The following DNAH9 variants were observed in gnomAD, a reference collection of about 807,000 sequenced individuals.
DNAH9 encodes dynein axonemal heavy chain 9.
Under a neutral mutation model 471.6 loss-of-function variants are expected in DNAH9, and 345 were observed. The observed-to-expected ratio is 0.73, with a 90% CI of 0.67 to 0.80. The LOEUF is 0.80. Ranked by LOEUF, DNAH9 falls within the 30% of genes least tolerant of loss-of-function variation. The pLI is 0.00. For missense variants in DNAH9, 5,407 were observed against 5,609.2 expected (o/e 0.96, Z 1.15); for synonymous variants, 2,093 against 2,123.6 (o/e 0.99, Z 0.40).
chr17:11,798,956 C>T lies in DNAH9; in HGVS notation c.8420+1163C>T, dbSNP rs137924086. ...GAACACAAGTCACCTGCCTTTCCTA[C>T]TCATTCTTCCTCCTTGTCACTGTTA... is the stretch of plus-strand genomic sequence containing the variant. On this transcript the variant is annotated intron_variant, in intron 43 of 68. Coordinates refer to ENST00000262442, the MANE Select transcript of DNAH9 (RefSeq NM_001372.4). Among the ~76,000 whole-genome samples, 247 of 152,266 alleles carry T rather than the reference C, an allele frequency of 1.6e-3. 1 individual carries two copies. Among genetic ancestry groups the T allele is most frequent in the African/African-American group, 5.2e-3 (216 of 41,544 alleles).
chr17:11,688,262 G>C (rs2074274530), intron 19 of DNAH9, among the ~76,000 whole-genome samples: 1 of 152,076 alleles, frequency 6.6e-6, no homozygotes, highest in Non-Finnish European at 1.5e-5. Flanking sequence ...AAACACTGGA[G>C]AGAAGAGGAT....
At position 11,797,696 on chromosome 17, in the gene DNAH9, G is replaced by T. The variant is rs754629782; in HGVS notation, c.8323G>T (p.Glu2775Ter). ...EPKYMPVQSW[E>*]LLTQTLVEAL... ...CAAATACATGCCTGTACAGTCTTGG[G>T]AACTTTTGACCCAGACTCTGGTGGA... The change falls in exon 43 of 69, where the codon GAA becomes TAA. Residue 2775 changes from glutamate to a stop codon, truncating the protein, a stop_gained. Coordinates refer to ENST00000262442, the MANE Select transcript of DNAH9 (RefSeq NM_001372.4). LOFTEE classifies it high-confidence loss of function. 1 of 1,614,046 alleles carries T rather than the reference G, an allele frequency of 6.2e-7. No individual in the cohort carries two copies. Among genetic ancestry groups the T allele is most frequent in the Non-Finnish European group, 8.5e-7 (1 of 1,180,024 alleles).
At chr17:11,883,797 C>T in intron 56 of DNAH9, 47 bp downstream of exon 56, 1 of 1,576,690 alleles carries the variant, frequency 6.3e-7, no homozygotes, top group Non-Finnish European at 8.6e-7. Flanking sequence ...GGCTGGGGTC[C>T]TCCTACAATT....
At chr17:11,610,310 C>A in intron 2 of DNAH9, 86 bp from the exon 3 acceptor site, 1 of 1,051,332 alleles carries the variant, frequency 9.5e-7, no homozygotes, top group Middle Eastern at 3.1e-4. Context: ...ATTTGGGATT[C>A]TGTCTTGGGG....
intron 43 of DNAH9, among the ~76,000 whole-genome samples, chr17:11,800,809 A>G (rs1969426664): frequency 6.6e-6 from 1 of 152,198 alleles, no homozygotes; most frequent in Admixed American, 6.5e-5. Flanking sequence ...TATTGATTAG[A>G]TAATCTTAGG....
Position 11,651,097 on chromosome 17 carries a change from A to G in DNAH9, c.2126A>G (p.Tyr709Cys). ...QLISVLKEMS[Y>C]LEPREMKHMP... ...ATTTCAGTGCTGAAAGAAATGAGCT[A>G]TCTTGAACCCAGAGAGATGAAACAC... The change falls in exon 13 of 69, where the codon TAT (tyrosine) becomes TGT (cysteine). Residue 709 changes from tyrosine to cysteine, a missense_variant. This residue lies in a region of DNAH9 where 4,636 missense variants were observed against 4,900.3 expected (regional missense o/e 0.95). Coordinates refer to ENST00000262442, the MANE Select transcript of DNAH9 (RefSeq NM_001372.4). The G allele has an allele frequency of 6.2e-7, 1 of 1,614,124 alleles. No individual in the cohort carries two copies. Among genetic ancestry groups the G allele is most frequent in the Non-Finnish European group, 8.5e-7 (1 of 1,179,988 alleles).
chr17:11,911,429 G>A (rs1009594064), intron 61 of DNAH9, among the ~76,000 whole-genome samples: 6 of 152,172 alleles, frequency 3.9e-5, no homozygotes, highest in Non-Finnish European at 5.9e-5. Context: ...AATGACTGTA[G>A]CTTTGCAGTA....
intron 14 of DNAH9, among the ~76,000 whole-genome samples, chr17:11,660,567 C>T (rs1344702240): frequency 1.3e-5 from 2 of 152,152 alleles, no homozygotes; most frequent in East Asian, 1.9e-4. Context: ...AAATGATCCA[C>T]CTGCCTTGAC....
Position 11,784,513 on chromosome 17 carries a change from C to G in DNAH9, c.8035C>G (p.Leu2679Val). ...AATCAAATTCCACTACATCTTCAAC[C>G]TCAGAGATTTTGCCAACATTTTCCA... The part of the protein sequence containing the change: ...TGIKFHYIFN[L>V]RDFANIFQGI... The change falls in exon 41 of 69, where the codon CTC (leucine) becomes GTC (valine). Residue 2679 changes from leucine (L) to valine (V), a missense_variant. Physicochemically the swap from Leu to Val is conservative, Grantham distance 32. This residue lies in a region of DNAH9 where 4,636 missense variants were observed against 4,900.3 expected (regional missense o/e 0.95). Transcript: ENST00000262442. 6.2e-7 allele frequency: 1 copy of G among 1,614,196 alleles called. No homozygotes were observed. The highest frequency in any genetic ancestry group is 2.2e-5 in the East Asian group (1 of 44,878).
intron 43 of DNAH9, among the ~76,000 whole-genome samples, chr17:11,802,662 A>AAAC (rs2150919531): frequency 6.6e-6 from 1 of 151,570 alleles, no homozygotes; most frequent in East Asian, 1.9e-4. Context: ...AAAAAAAAAA[A>AAAC]AGTGGGAGTA....
chr17:11,694,864 C>CTTT lies in DNAH9; in HGVS notation c.4872+417_4872+418insTTT. ...TCCTTCCTTCCTTCCTTCCTTCCTT[C>CTTT]CTTCCTTCTTTCTTTCTTTCTTTCT... On this transcript the variant is annotated intron_variant, in intron 22 of 68. Coordinates refer to ENST00000262442, the MANE Select transcript of DNAH9 (RefSeq NM_001372.4). 1.3e-3 allele frequency among the ~76,000 whole-genome samples: 6 copies of CTTT among 4,472 alleles called. 3 individuals are homozygous for CTTT. The highest frequency in any genetic ancestry group is 0.011 in the South Asian group (2 of 174). 2.9% of individuals were successfully genotyped at this position (4,472 alleles called of 152,430 possible). A position where few individuals can be genotyped will look rare whatever the true frequency, so the allele number is the denominator to read the frequency against.
intron 38 of DNAH9, among the ~76,000 whole-genome samples, chr17:11,774,051 G>A (rs908499053): frequency 7.2e-5 from 11 of 152,062 alleles, no homozygotes; most frequent in African/African-American, 2.2e-4. Flanking sequence ...CAGGAGAATC[G>A]CTTAAACCTG....
At chr17:11,717,169 T>TA (rs2074978598) in intron 26 of DNAH9, among the ~76,000 whole-genome samples, 1 of 152,200 alleles carries the variant, frequency 6.6e-6, no homozygotes, top group South Asian at 2.1e-4. Context: ...ATTCAGCCTT[T>TA]CAAAGGCTGA....
intron 10 of DNAH9, among the ~76,000 whole-genome samples, chr17:11,643,687 C>T (rs893842891): frequency 3.3e-5 from 5 of 152,154 alleles, no homozygotes; most frequent in African/African-American, 7.2e-5. Context: ...ATGATCAACA[C>T]GCTCTATGAT....
chr17:11,908,917 A>G (rs1238339110), intron 61 of DNAH9, among the ~76,000 whole-genome samples: 1 of 152,188 alleles, frequency 6.6e-6, no homozygotes, highest in Admixed American at 6.5e-5. Context: ...GAGGACTGAT[A>G]GTGGGAAAGT....
chr17:11,844,947 CTTCTT>C (rs1971163316), intron 49 of DNAH9, among the ~76,000 whole-genome samples: 3 of 151,252 alleles, frequency 2.0e-5, no homozygotes, highest in Admixed American at 6.6e-5. Flanking sequence ...ACATGAATGT[CTTCTT>C]TTGAGAAGTG....
intron 38 of DNAH9, among the ~76,000 whole-genome samples, chr17:11,773,856 G>A (rs1193462780): frequency 5.9e-5 from 9 of 152,180 alleles, no homozygotes; most frequent in Non-Finnish European, 7.3e-5. Flanking sequence ...TAAGTGGGGC[G>A]TGGAGGCTCA....
chr17:11,808,401 A>G (rs946713963), intron 44 of DNAH9, among the ~76,000 whole-genome samples: 5 of 152,318 alleles, frequency 3.3e-5, no homozygotes, highest in African/African-American at 9.6e-5. Context: ...CATTGTGTCC[A>G]GTCCGCTTTG....
intron 27 of DNAH9, among the ~76,000 whole-genome samples, chr17:11,727,348 GT>G (rs747657935): frequency 6.6e-6 from 1 of 151,902 alleles, no homozygotes; most frequent in Non-Finnish European, 1.5e-5. Context: ...TTTGGTTTTT[GT>G]TTTTTTAACA....
Sources: gnomAD v4.1 joint callset for allele counts (sites outside exome capture counted in the v4.1 genomes callset) on GRCh38, gnomAD v4.1.1 for gene constraint, gnomAD v4.1.1 regional missense constraint, MANE v1.5 for transcripts, NCBI Gene and HGNC (gene_info 2026-07-23, HGNC 2026-07-21) for gene names.